PKHD1L1: variants seen among roughly 807,000 people sequenced by gnomAD.
The protein encoded by PKHD1L1 is PKHD1 like 1, also known as fibrocystin-L.
Under a neutral mutation model 462.9 loss-of-function variants are expected in PKHD1L1, and 434 were observed. That is an observed-to-expected ratio of 0.94 (90% CI 0.87 to 1.02). The LOEUF is 1.02. Among genes scored for constraint, PKHD1L1 ranks in the 50% least tolerant of loss-of-function variants. The pLI is 0.00. For synonymous variants in PKHD1L1, 1,781 were observed against 1,750.0 expected (o/e 1.02, Z -0.44); for missense variants, 5,202 against 5,096.1 (o/e 1.02, Z -0.63).
Position 109,420,707 on chromosome 8 carries a change from G to C in PKHD1L1, c.2697+17G>C. On this transcript the variant is annotated intron_variant, in intron 23 of 77. Transcript: ENST00000378402. ...TTTGGGCAGGTAAGCCTAGAATTTT[G>C]CATTAATTTTTATGTAGTGAATTTT... is the stretch of plus-strand genomic sequence containing the variant. 1 of 1,492,494 alleles carries C rather than the reference G, an allele frequency of 6.7e-7. No homozygotes were observed. The highest frequency in any genetic ancestry group is 1.4e-5 in the South Asian group (1 of 71,530). The allele number at this position is 1,492,494 out of a possible 1,614,324, so 92.5% of individuals were successfully genotyped here. A position where few individuals can be genotyped will look rare whatever the true frequency, so the allele number is the denominator to read the frequency against.
intron 46 of PKHD1L1, 50 bp from the exon 47 acceptor site, chr8:109,459,545 T>G: frequency 7.3e-7 from 1 of 1,372,586 alleles, no homozygotes. Flanking sequence ...AAACAATATG[T>G]TATGTCAATT....
intron 50 of PKHD1L1, among the ~76,000 whole-genome samples, chr8:109,469,716 T>A (rs1020956157): frequency 6.6e-6 from 1 of 152,176 alleles, no homozygotes; most frequent in Non-Finnish European, 1.5e-5. Context: ...CTATACCCAC[T>A]GTCACAGTGC....
intron 67 of PKHD1L1, among the ~76,000 whole-genome samples, chr8:109,500,699 A>T (rs1016863311): frequency 7.3e-6 from 1 of 137,052 alleles, no homozygotes; most frequent in African/African-American, 2.8e-5. Flanking sequence ...AAAAAAAAAA[A>T]GTCCCTGGTT....
intron 71 of PKHD1L1, among the ~76,000 whole-genome samples, chr8:109,512,609 T>G (rs550035294): frequency 6.6e-6 from 1 of 151,634 alleles, no homozygotes; most frequent in South Asian, 2.1e-4. Context: ...CCTTGTAGTA[T>G]AGTTTGAAGT....
chr8:109,482,869 T>C, intron 56 of PKHD1L1, 118 bp from the exon 57 acceptor site: 1 of 639,268 alleles, frequency 1.6e-6, no homozygotes, highest in South Asian at 3.4e-5. Context: ...AATTCATTCC[T>C]TTTGTTCTAA....
In PKHD1L1 at chr8:109,480,029, G is replaced by GA. The variant is rs1563591666; in HGVS notation, c.9220dup (p.Arg3074LysfsTer13). 1 of 1,594,588 alleles carries GA rather than the reference G, an allele frequency of 6.3e-7. No homozygotes were observed. Among genetic ancestry groups the GA allele is most frequent in the Non-Finnish European group, 8.5e-7 (1 of 1,172,556 alleles). On this transcript the variant is annotated frameshift_variant, in exon 55 of 78. Transcript: ENST00000378402. LOFTEE classifies it high-confidence loss of function. The stretch of plus-strand genomic sequence containing the variant: ...AGCTGACATAGATATGCCATCAATG[G>GA]AAAGACTCATTATTTGGGGGGTTCT...
intron 53 of PKHD1L1, among the ~76,000 whole-genome samples, chr8:109,477,939 G>A (rs1401005646): frequency 1.3e-5 from 2 of 152,030 alleles, no homozygotes; most frequent in Non-Finnish European, 2.9e-5. Flanking sequence ...TATTTCTCGT[G>A]AAGCATCACT....
At chr8:109,379,450 A>C (rs1811999488) in intron 2 of PKHD1L1, among the ~76,000 whole-genome samples, 1 of 152,242 alleles carries the variant, frequency 6.6e-6, no homozygotes, top group African/African-American at 2.4e-5. Flanking sequence ...TCACTCAGAA[A>C]CATGTAGCTT....
chr8:109,527,930 A>G (rs1820898551), intron 77 of PKHD1L1, among the ~76,000 whole-genome samples: 1 of 152,218 alleles, frequency 6.6e-6, no homozygotes, highest in Non-Finnish European at 1.5e-5. Context: ...TCCTGAACAA[A>G]TCACTGTGGC....
chr8:109,508,351 C>T (rs1350244622), intron 70 of PKHD1L1, 87 bp downstream of exon 70: 1 of 1,347,544 alleles, frequency 7.4e-7, no homozygotes, highest in Non-Finnish European at 1.0e-6. Context: ...TTATTTACCC[C>T]ACACAACTAG....
At position 109,526,926 on chromosome 8, in the gene PKHD1L1, C is replaced by T; in HGVS notation, c.12627C>T (p.Ala4209=). Residue 4209 remains alanine, a synonymous_variant, in exon 77 of 78, where the codon GCC becomes GCT. Transcript: ENST00000378402. ...AAGCATCAACTGTGGGTACATATGC[C>T]CAGATAATGACTGTAGTAATTAGCT... ...NSKASTVGTY[A]QIMTVVISCL... The T allele has an allele frequency of 6.2e-7, 1 of 1,613,672 alleles. No homozygotes were observed. Among genetic ancestry groups the T allele is most frequent in the Non-Finnish European group, 8.5e-7 (1 of 1,179,816 alleles).
intron 63 of PKHD1L1, among the ~76,000 whole-genome samples, chr8:109,495,893 AC>A (rs551564938): frequency 1.3e-4 from 20 of 152,122 alleles, no homozygotes; most frequent in Non-Finnish European, 2.6e-4. Context: ...TATTGAACTG[AC>A]TTGGACATAA....
At chr8:109,390,635 T>G (rs1812668137) in intron 9 of PKHD1L1, 141 bp downstream of exon 9, 2 of 417,968 alleles carry the variant, frequency 4.8e-6, no homozygotes, top group Non-Finnish European at 8.4e-6. Flanking sequence ...AAAGAGTCTG[T>G]ACCTTCTTTT....
At chr8:109,366,158 T>C (rs1249887523) in intron 2 of PKHD1L1, among the ~76,000 whole-genome samples, 1 of 152,208 alleles carries the variant, frequency 6.6e-6, no homozygotes, top group Non-Finnish European at 1.5e-5. Flanking sequence ...AGCTAAAATG[T>C]AGTCTTTTCT....
At chr8:109,510,534 T>G (rs1002060217) in intron 70 of PKHD1L1, among the ~76,000 whole-genome samples, 1 of 152,152 alleles carries the variant, frequency 6.6e-6, no homozygotes, top group Non-Finnish European at 1.5e-5. Context: ...TGTACCCTTC[T>G]TGCCCTGGGC....
At chr8:109,388,261 C>T (rs1035127791) in intron 6 of PKHD1L1, among the ~76,000 whole-genome samples, 5 of 152,084 alleles carry the variant, frequency 3.3e-5, no homozygotes, top group African/African-American at 1.2e-4. Flanking sequence ...AATGTCAGCT[C>T]CCCAAGGGCA....
In PKHD1L1 at chr8:109,490,983, T is replaced by C. The variant is rs753056548; in HGVS notation, c.9996T>C (p.His3332=). 12 of 1,606,284 alleles carry C rather than the reference T, an allele frequency of 7.5e-6. No homozygotes were observed. The highest frequency in any genetic ancestry group is 1.7e-5 in the Admixed American group (1 of 59,644). The part of the protein sequence containing the change: ...TFLNLGQIQE[H]GSSYIRGCAF... ...CCAATGTTGTATAGATTCAAGAACA[T>C]GGCTCATCTTATATTCGAGGCTGTG... Residue 3332 remains histidine (H), a synonymous_variant, in exon 61 of 78, where the codon CAT becomes CAC. Transcript: ENST00000378402.
At chr8:109,419,063 G>A (rs1814326111) in intron 21 of PKHD1L1, 34 bp from the exon 22 acceptor site, 1 of 1,574,852 alleles carries the variant, frequency 6.3e-7, no homozygotes, top group East Asian at 2.2e-5. Context: ...CATTACCACT[G>A]ATCTATACAA....
chr8:109,423,174 T>C (rs1340173951), intron 23 of PKHD1L1, among the ~76,000 whole-genome samples: 1 of 152,128 alleles, frequency 6.6e-6, no homozygotes, highest in African/African-American at 2.4e-5. Context: ...TTTTTTTTCT[T>C]TTTTGAACGG....
Sources: gnomAD v4.1 joint callset for allele counts (sites outside exome capture counted in the v4.1 genomes callset) on GRCh38, gnomAD v4.1.1 for gene constraint, MANE v1.5 for transcripts, NCBI Gene and HGNC (gene_info 2026-07-23, HGNC 2026-07-21) for gene names.